The following SLX4 variants were observed in gnomAD, a reference collection of about 807,000 sequenced individuals.
The protein encoded by SLX4 is structure-specific endonuclease subunit SLX4.
In SLX4, 112 loss-of-function variants were observed where a neutral mutation model predicts 146.2. The ratio of observed to expected loss-of-function variants is 0.77; its 90% CI spans 0.66 to 0.90. SLX4 has a LOEUF of 0.90. Ranked by LOEUF, SLX4 falls within the 40% of genes least tolerant of loss-of-function variation. The pLI is 0.00. For synonymous variants in SLX4, 1,061 were observed against 997.7 expected (o/e 1.06, Z -1.20); for missense variants, 2,563 against 2,392.7 (o/e 1.07, Z -1.49).
intron 8 of SLX4, 35 bp from the exon 9 acceptor site, chr16:3,595,728 C>A (rs768432700): frequency 3.7e-6 from 6 of 1,606,194 alleles, no homozygotes; most frequent in South Asian, 1.1e-5. Flanking sequence ...AGGAACGTCA[C>A]AGCCCAGCCA....
Position 3,598,003 on chromosome 16 carries a change from GA to G in SLX4, c.1164-5del. The G allele has an allele frequency of 6.2e-7, 1 of 1,614,138 alleles. No homozygotes were observed. The highest frequency in any genetic ancestry group is 8.5e-7 in the Non-Finnish European group (1 of 1,180,032). ...ACCTCTACTGTGATCACTGAAGCTA[GA>G]AAACAGCCAAAGAGAAAAGTTACTG... On this transcript the variant is annotated splice_polypyrimidine_tract_variant and splice_region_variant and intron_variant, in intron 5 of 14. Coordinates refer to ENST00000294008, the MANE Select transcript of SLX4 (RefSeq NM_032444.4).
chr16:3,583,646 T>TATG, intron 13 of SLX4, 136 bp from the exon 14 acceptor site: 2 of 925,994 alleles, frequency 2.2e-6, no homozygotes, highest in Non-Finnish European at 1.7e-6. Flanking sequence ...GCCTGACTTC[T>TATG]GTGAGCATCA....
rs766648339 is a variant in SLX4, at chr16:3,590,072, C to T, written c.3566G>A (p.Cys1189Tyr). 8.1e-6 allele frequency: 13 copies of T among 1,614,108 alleles called. No individual in the cohort carries two copies. Among genetic ancestry groups the T allele is most frequent in the Admixed American group, 3.3e-5 (2 of 60,008 alleles). Residue 1189 changes from cysteine (C) to tyrosine (Y), a missense_variant, in exon 12 of 15, where the codon TGT (cysteine) becomes TAT (tyrosine). Physicochemically the swap from Cys to Tyr is radical, Grantham distance 194. Coordinates refer to ENST00000294008, the MANE Select transcript of SLX4 (RefSeq NM_032444.4). This position sits in a 1 kb window ranked among gnomAD's most constrained non-coding sequence, Gnocchi z 4.8. The part of the protein sequence containing the change: ...KKALEISPRS[C>Y]ELFSIIDVDA... ...AACATCAATGATGGAAAACAGCTCA[C>T]AGGACCTAGGGCTAATTTCTAGAGC...
chr16:3,594,606 C>T lies in SLX4; in HGVS notation c.2014-7G>A. Reference sequence around the variant, plus strand: ...CCAGCAGCCCGAGGGAGAGCTGAAGCAGGAGGAGAGGAAGAGCCGTCACCT... The same window carrying T: ...CCAGCAGCCCGAGGGAGAGCTGAAGTAGGAGGAGAGGAAGAGCCGTCACCT... On this transcript the variant is annotated splice_polypyrimidine_tract_variant and splice_region_variant and intron_variant, in intron 9 of 14. Coordinates refer to ENST00000294008, the MANE Select transcript of SLX4 (RefSeq NM_032444.4). The T allele has an allele frequency of 6.2e-7, 1 of 1,614,038 alleles. No individual in the cohort carries two copies. Among genetic ancestry groups the T allele is most frequent in the Non-Finnish European group, 8.5e-7 (1 of 1,179,988 alleles).
Position 3,582,551 on chromosome 16 carries a change from GGGCC to G in SLX4, c.5292_5295del (p.Ala1765CysfsTer20). On this transcript the variant is annotated frameshift_variant, in exon 15 of 15. Transcript: ENST00000294008. LOFTEE classifies it low-confidence loss of function (END_TRUNC). ...TGGTACAGCAGCACCTTCTGGTACA[GGGCC>G]GGCTTGGAGCGGATGTAGCACCTCA... 1 of 1,613,926 alleles carries G rather than the reference GGGCC, an allele frequency of 6.2e-7. No individual in the cohort carries two copies. The highest frequency in any genetic ancestry group is 8.5e-7 in the Non-Finnish European group (1 of 1,180,040).
chr16:3,608,545 C>G lies in SLX4; in HGVS notation c.420G>C (p.Glu140Asp), dbSNP rs753015235. The G allele has an allele frequency of 3.7e-6, 6 of 1,614,070 alleles. No homozygotes were observed. The highest frequency in any genetic ancestry group is 2.2e-5 in the South Asian group (2 of 91,088). ...ASEPAHSVNGEGGVLASAPDP... is the reference protein window; with the variant it reads ...ASEPAHSVNGDGGVLASAPDP... Reference sequence around the variant, plus strand: ...CTGGAGCAGAGGCAAGCACACCCCCCTCCCCATTCACAGAGTGGGCCGGTT... The same window carrying G: ...CTGGAGCAGAGGCAAGCACACCCCCGTCCCCATTCACAGAGTGGGCCGGTT... The change falls in exon 2 of 15, where the codon GAG (glutamate) becomes GAC (aspartate). Residue 140 changes from glutamate to aspartate, a missense_variant. By Grantham distance (45) the Glu-to-Asp change is conservative. Transcript: ENST00000294008.
At chr16:3,587,373 G>T (rs1391539707) in intron 12 of SLX4, among the ~76,000 whole-genome samples, 1 of 152,084 alleles carries the variant, frequency 6.6e-6, no homozygotes, top group Non-Finnish European at 1.5e-5. Context: ...CTGGGTGCCT[G>T]TAATCCCAGC....
Position 3,589,300 on chromosome 16 carries a change from G to GT in SLX4, c.4337_4338insA (p.Gly1447ArgfsTer20). ...TGGGGCTGCTGGTGCTCAGGGGGCC[G>GT]GTCCGCTCCAGGTTCCAGTGGTCAA... On this transcript the variant is annotated frameshift_variant, in exon 12 of 15. Coordinates refer to ENST00000294008, the MANE Select transcript of SLX4 (RefSeq NM_032444.4). LOFTEE classifies it high-confidence loss of function. The surrounding 1 kb of genome is among the most constrained non-coding windows in gnomAD (Gnocchi z 6.2). The GT allele has an allele frequency of 6.3e-7, 1 of 1,584,398 alleles. No homozygotes were observed. Among genetic ancestry groups the GT allele is most frequent in the Non-Finnish European group, 8.6e-7 (1 of 1,164,310 alleles).
In SLX4 at chr16:3,582,453, C is replaced by T; in HGVS notation, c.5394G>A (p.Leu1798=). Residue 1798 remains leucine, a synonymous_variant, in exon 15 of 15, where the codon TTG becomes TTA. Coordinates refer to ENST00000294008, the MANE Select transcript of SLX4 (RefSeq NM_032444.4). ...NGLRVSSRRL[L]DFLDTHCITF... ...TGATACAGTGGGTGTCCAGGAAGTCCAACAGCCTGCGCGAGGACACACGGA... is the reference window on the plus strand; with the variant it reads ...TGATACAGTGGGTGTCCAGGAAGTCTAACAGCCTGCGCGAGGACACACGGA... 1 of 1,613,980 alleles carries T rather than the reference C, an allele frequency of 6.2e-7. No homozygotes were observed. The highest frequency in any genetic ancestry group is 2.2e-5 in the East Asian group (1 of 44,886).
At position 3,609,243 on chromosome 16, in the gene SLX4, C is replaced by A; in HGVS notation, c.-279G>T. On this transcript the variant is annotated 5_prime_UTR_variant, in exon 2 of 15. Transcript: ENST00000294008. ...CCAATATGGTGAAACCTCGTTTCAA[C>A]TGAAAATACAAAAAATTGGCCAGGC... 2.7e-6 allele frequency: 1 copy of A among 372,104 alleles called. No individual in the cohort carries two copies. Among genetic ancestry groups the A allele is most frequent in the Non-Finnish European group, 5.1e-6 (1 of 195,576 alleles). The allele number at this position is 372,104 out of a possible 1,614,324, so 23.1% of individuals were successfully genotyped here. A position where few individuals can be genotyped will look rare whatever the true frequency, so the allele number is the denominator to read the frequency against.
rs1331923595 is a variant in SLX4, at chr16:3,589,192, G to A, written c.4446C>T (p.Cys1482=). The change falls in exon 12 of 15, where the codon TGC becomes TGT. Residue 1482 remains cysteine (C), a synonymous_variant. Transcript: ENST00000294008. This position sits in a 1 kb window ranked among gnomAD's most constrained non-coding sequence, Gnocchi z 6.2. ...TCTCTTGCAATTTCCTCTGGGTAGT[G>A]CAGCTTCCTCGGATGGGGGTGGTGT... ...LLDTTPIRGS[C]TTQRKLQEKS... is the part of the protein sequence containing the mutation. The A allele has an allele frequency of 5.6e-6, 9 of 1,613,996 alleles. No homozygotes were observed. In the Admixed American group the frequency reaches 1.5e-4, roughly 27 times the overall value.
chr16:3,604,519 T>A (rs370592104), intron 3 of SLX4, among the ~76,000 whole-genome samples: 4 of 151,928 alleles, frequency 2.6e-5, no homozygotes, highest in East Asian at 3.9e-4. Context: ...TCAGATAATA[T>A]GGAAGAAAAA....
At chr16:3,584,132 T>C (rs1489925181) in intron 13 of SLX4, among the ~76,000 whole-genome samples, 1 of 150,742 alleles carries the variant, frequency 6.6e-6, no homozygotes, top group African/African-American at 2.4e-5. Flanking sequence ...TTAAAAAAAA[T>C]CAGGCCTCCG....
chr16:3,602,756 C>T (rs149200425), intron 3 of SLX4, among the ~76,000 whole-genome samples: 4 of 152,350 alleles, frequency 2.6e-5, no homozygotes, highest in African/African-American at 9.6e-5. Flanking sequence ...CTCTTCAAAA[C>T]TCACCCTTTC....
chr16:3,594,617 G>A lies in SLX4; in HGVS notation c.2014-18C>T. 1 of 1,613,918 alleles carries A rather than the reference G, an allele frequency of 6.2e-7. No homozygotes were observed. The highest frequency in any genetic ancestry group is 8.5e-7 in the Non-Finnish European group (1 of 1,179,946). ...AGGGAGAGCTGAAGCAGGAGGAGAG[G>A]AAGAGCCGTCACCTCCCCACCTCTG... On this transcript the variant is annotated intron_variant, in intron 9 of 14. Transcript: ENST00000294008.
At chr16:3,604,294 A>G (rs1195746247) in intron 3 of SLX4, among the ~76,000 whole-genome samples, 1 of 152,006 alleles carries the variant, frequency 6.6e-6, no homozygotes, top group Non-Finnish European at 1.5e-5. Flanking sequence ...AGACCTTAGG[A>G]TACTGCTGAG....
intron 12 of SLX4, among the ~76,000 whole-genome samples, chr16:3,586,359 T>TA (rs71133646): frequency 0.11 from 16,406 of 146,644 alleles, 1,183 homozygotes; most frequent in Non-Finnish European, 0.16. Flanking sequence ...CAGTCTCTAC[T>TA]AAAAAAAAAA....
intron 9 of SLX4, 39 bp downstream of exon 9, chr16:3,595,566 G>T: frequency 6.2e-7 from 1 of 1,609,590 alleles, no homozygotes; most frequent in Non-Finnish European, 8.5e-7. Flanking sequence ...CAAGTGGGAT[G>T]GCCGGGACCA....
Position 3,594,577 on chromosome 16 carries a change from G to C in SLX4, c.2036C>G (p.Ala679Gly). The change falls in exon 10 of 15, where the codon GCT (alanine) becomes GGT (glycine). Residue 679 changes from alanine (A) to glycine (G), a missense_variant. Coordinates refer to ENST00000294008, the MANE Select transcript of SLX4 (RefSeq NM_032444.4). The stretch of plus-strand genomic sequence containing the variant: ...GTTATTGACCATGGCGCCAAAGTCA[G>C]CAACCAGCAGCCCGAGGGAGAGCTG... ...RTLLSLGLLV[A>G]DFGAMVNNPH... The C allele has an allele frequency of 6.2e-7, 1 of 1,614,118 alleles. No homozygotes were observed. Among genetic ancestry groups the C allele is most frequent in the Non-Finnish European group, 8.5e-7 (1 of 1,180,016 alleles).
Sources: gnomAD v4.1 joint callset for allele counts (sites outside exome capture counted in the v4.1 genomes callset) on GRCh38, gnomAD v4.1.1 for gene constraint, Gnocchi (gnomAD v3.1) non-coding constraint, MANE v1.5 for transcripts, NCBI Gene and HGNC (gene_info 2026-07-23, HGNC 2026-07-21) for gene names.